Variants in OR2T11 observed in about 807,000 individuals in gnomAD.
OR2T11 encodes the protein olfactory receptor family 2 subfamily T member 11.
Under a neutral mutation model 13.5 loss-of-function variants are expected in OR2T11, and 14 were observed. That is an observed-to-expected ratio of 1.04 (90% CI 0.69 to 1.62). The LOEUF is 1.62. OR2T11 is among the 40% of genes most tolerant of loss of function. The pLI is 0.00. For synonymous variants in OR2T11, 163 were observed against 154.6 expected (o/e 1.05, Z -0.40); for missense variants, 410 against 389.7 (o/e 1.05, Z -0.44).
chr1:248,634,713 CAG>C lies in OR2T11; in HGVS notation c.-145+323_-145+324del, dbSNP rs1660662166. Among the ~76,000 whole-genome samples the C allele has an allele frequency of 3.1e-5, 2 of 64,354 alleles. 1 individual carries two copies. Among genetic ancestry groups the C allele is most frequent in the African/African-American group, 9.7e-5 (2 of 20,524 alleles). 42.2% of individuals were successfully genotyped at this position (64,354 alleles called of 152,430 possible). A position where few individuals can be genotyped will look rare whatever the true frequency, so the allele number is the denominator to read the frequency against. On this transcript the variant is annotated intron_variant, in intron 1 of 1. Coordinates refer to ENST00000641193, the MANE Select transcript of OR2T11 (RefSeq NM_001001964.2). Reference sequence around the variant, plus strand: ...AGTCATTTTGTTTTCACAGAATTGTCAGAATTCTTAGCAGAACTTCACTTCAT... The same window carrying C: ...AGTCATTTTGTTTTCACAGAATTGTCAATTCTTAGCAGAACTTCACTTCAT...
chr1:248,633,863 T>C (rs1045398134), intron 1 of OR2T11, among the ~76,000 whole-genome samples: 1 of 144,236 alleles, frequency 6.9e-6, no homozygotes, highest in African/African-American at 2.7e-5. Context: ...ACCTCCTGTT[T>C]GCTTCAAAGA....
intron 1 of OR2T11, among the ~76,000 whole-genome samples, chr1:248,628,287 AAG>A (rs1341642076): frequency 7.0e-6 from 1 of 143,352 alleles, no homozygotes; most frequent in Non-Finnish European, 1.5e-5. Context: ...AGACAAGAGA[AAG>A]AACCATACAT....
rs1170976684 is a variant in OR2T11, at chr1:248,627,574, A to G, written c.-144-302T>C. Among the ~76,000 whole-genome samples, 3 of 143,492 alleles carry G rather than the reference A, an allele frequency of 2.1e-5. 1 individual carries two copies. Among genetic ancestry groups the G allele is most frequent in the African/African-American group, 8.2e-5 (3 of 36,408 alleles). The allele number at this position is 143,492 out of a possible 152,430, so 94.1% of individuals were successfully genotyped here. ...AAATGGATAAAGGGGAGTGAAGTAA[A>G]TCACTGAAGAAATGAAGGGTTAGGA... On this transcript the variant is annotated intron_variant, in intron 1 of 1. Coordinates refer to ENST00000641193, the MANE Select transcript of OR2T11 (RefSeq NM_001001964.2).
intron 1 of OR2T11, among the ~76,000 whole-genome samples, chr1:248,627,536 T>C (rs1660542660): frequency 7.0e-6 from 1 of 142,958 alleles, no homozygotes; most frequent in African/African-American, 2.8e-5. Context: ...GAAAAAAGGG[T>C]GATTCATTGA....
At chr1:248,631,384 T>C (rs1206305508) in intron 1 of OR2T11, among the ~76,000 whole-genome samples, 1 of 143,284 alleles carries the variant, frequency 7.0e-6, no homozygotes, top group Non-Finnish European at 1.5e-5. Context: ...TCACTAATTA[T>C]CACCATCTCA....
In OR2T11 at chr1:248,623,936, T is replaced by G. The variant is rs1660477986; in HGVS notation, c.*2242A>C. On this transcript the variant is annotated 3_prime_UTR_variant, in exon 2 of 2. Coordinates refer to ENST00000641193, the MANE Select transcript of OR2T11 (RefSeq NM_001001964.2). ...TCTCCAAGATGATTCTCTTCTCCTC[T>G]CAAACTTTTGACGGGACCACCCTGA... 7.1e-6 allele frequency: 1 copy of G among 141,120 alleles called. No individual in the cohort carries two copies. Among genetic ancestry groups the G allele is most frequent in the East Asian group, 2.1e-4 (1 of 4,844 alleles). 8.7% of individuals were successfully genotyped at this position (141,120 alleles called of 1,614,324 possible). A position where few individuals can be genotyped will look rare whatever the true frequency, so the allele number is the denominator to read the frequency against.
rs142343860 is a variant in OR2T11 at position 248,626,718 on chromosome 1, C to T, written c.411G>A (p.Lys137=). 195 of 1,573,484 alleles carry T rather than the reference C, an allele frequency of 1.2e-4. 17 individuals carry two copies. Among genetic ancestry groups the T allele is most frequent in the Non-Finnish European group, 1.4e-4 (159 of 1,157,086 alleles). ...AGGCACCAGCAGCCAGCAAAAGACACTTCTTGCGGTTCATCAGGACTGGGT... is the reference window on the plus strand; with the variant it reads ...AGGCACCAGCAGCCAGCAAAAGACATTTCTTGCGGTTCATCAGGACTGGGT... ...LRYPVLMNRK[K]CLLLAAGAWF... Residue 137 remains lysine, a synonymous_variant, in exon 2 of 2, where the codon AAG becomes AAA. Coordinates refer to ENST00000641193, the MANE Select transcript of OR2T11 (RefSeq NM_001001964.2).
Position 248,623,761 on chromosome 1 carries a change from C to CCTA in OR2T11, c.*2414_*2416dup, listed in dbSNP as rs1294762928. The CCTA allele has an allele frequency of 7.0e-6, 1 of 142,652 alleles. No individual in the cohort carries two copies. Among genetic ancestry groups the CCTA allele is most frequent in the Non-Finnish European group, 1.5e-5 (1 of 66,088 alleles). 8.8% of individuals were successfully genotyped at this position (142,652 alleles called of 1,614,324 possible). On this transcript the variant is annotated 3_prime_UTR_variant, in exon 2 of 2. Transcript: ENST00000641193. Reference sequence around the variant, plus strand: ...ATAATTCTAGTTAACATATTGAGTGCCTACTATTTTCTGGCCACCATCCCG... The same window carrying CCTA: ...ATAATTCTAGTTAACATATTGAGTGCCTACTACTATTTTCTGGCCACCATCCCG...
In OR2T11 at chr1:248,626,108, G is replaced by T; in HGVS notation, c.*70C>A. ...GTAAGTGTAGGTTGATAGCTGAGCA[G>T]ATCATCTCCAGGGAAACAGGGCAAA... On this transcript the variant is annotated 3_prime_UTR_variant, in exon 2 of 2. Coordinates refer to ENST00000641193, the MANE Select transcript of OR2T11 (RefSeq NM_001001964.2). 2 of 849,634 alleles carry T rather than the reference G, an allele frequency of 2.4e-6. No homozygotes were observed. Among genetic ancestry groups the T allele is most frequent in the Non-Finnish European group, 3.8e-6 (2 of 521,964 alleles). 52.6% of individuals were successfully genotyped at this position (849,634 alleles called of 1,614,324 possible).
At chr1:248,628,667 G>C (rs1660556650) in intron 1 of OR2T11, among the ~76,000 whole-genome samples, 1 of 143,230 alleles carries the variant, frequency 7.0e-6, no homozygotes, top group African/African-American at 2.8e-5. Flanking sequence ...AAAGGTACCA[G>C]AATTGTTATG....
At chr1:248,634,330 G>C (rs116329853) in intron 1 of OR2T11, among the ~76,000 whole-genome samples, 6,821 of 25,874 alleles carry the variant, frequency 0.26, 1,423 homozygotes, top group African/African-American at 0.34. Context: ...AACCAGAGTT[G>C]AAGCTACAGG....
At position 248,625,714 on chromosome 1, in the gene OR2T11, TAAA is replaced by T. The variant is rs556964925; in HGVS notation, c.*461_*463del. 1.2e-3 allele frequency: 180 copies of T among 149,018 alleles called. 45 individuals are homozygous for T. The highest frequency in any genetic ancestry group is 4.7e-3 in the African/African-American group (174 of 36,798). The allele number at this position is 149,018 out of a possible 1,614,324, so 9.2% of individuals were successfully genotyped here. The stretch of plus-strand genomic sequence containing the variant: ...TAGTTACTTGGGGTTAATACTAAAA[TAAA>T]AAACACGACTAAAGTGTGTGCTTTT... On this transcript the variant is annotated 3_prime_UTR_variant, in exon 2 of 2. Transcript: ENST00000641193.
chr1:248,630,400 A>G (rs1572103007), intron 1 of OR2T11, among the ~76,000 whole-genome samples: 1 of 117,710 alleles, frequency 8.5e-6, no homozygotes, highest in East Asian at 2.5e-4. Context: ...AAATACTTAT[A>G]GAGTAATTAA....
rs188275935 is a variant in OR2T11 at position 248,625,024 on chromosome 1, G to A, written c.*1154C>T. On this transcript the variant is annotated 3_prime_UTR_variant, in exon 2 of 2. Transcript: ENST00000641193. ...AGTACAGGTATGAGCTACTGCACCC[G>A]GCCTAGCTTAAATACCTAATAGATA... is the stretch of plus-strand genomic sequence containing the variant. The A allele has an allele frequency of 4.2e-5, 6 of 144,260 alleles. 1 individual carries two copies. Among genetic ancestry groups the A allele is most frequent in the Admixed American group, 6.7e-5 (1 of 14,816 alleles). 8.9% of individuals were successfully genotyped at this position (144,260 alleles called of 1,614,324 possible).
chr1:248,627,327 C>T (rs1371512039), intron 1 of OR2T11, 55 bp from the exon 2 acceptor site: 5 of 542,164 alleles, frequency 9.2e-6, no homozygotes. Flanking sequence ...ACCATGGCTG[C>T]ATTTCCCTGT....
chr1:248,630,081 T>A (rs1441478116), intron 1 of OR2T11, among the ~76,000 whole-genome samples: 1 of 125,286 alleles, frequency 8.0e-6, no homozygotes, highest in African/African-American at 3.2e-5. Context: ...TAAATCATTT[T>A]TAAACACATT....
chr1:248,630,186 G>T (rs2103102971), intron 1 of OR2T11, among the ~76,000 whole-genome samples: 1 of 142,480 alleles, frequency 7.0e-6, no homozygotes. Context: ...GTGCTGAAGA[G>T]AAATAATTTT....
rs1558172193 is a variant in OR2T11 at position 248,626,798 on chromosome 1, GGAA to G, written c.328_330del (p.Phe110del). The G allele has an allele frequency of 1.3e-6, 2 of 1,569,810 alleles. No individual in the cohort carries two copies. The highest frequency in any genetic ancestry group is 3.4e-5 in the Admixed American group (2 of 58,278). On this transcript the variant is annotated inframe_deletion, in exon 2 of 2. Transcript: ENST00000641193. ...CAGTCATAGGCCATGAGGCCCAGGA[GGAA>G]GAACTCAGAACCAATCATGGTCAGG...
At chr1:248,630,452 T>A (rs1347779013) in intron 1 of OR2T11, among the ~76,000 whole-genome samples, 2 of 139,588 alleles carry the variant, frequency 1.4e-5, no homozygotes, top group Non-Finnish European at 3.0e-5. Context: ...ACTTGCCACT[T>A]CTTCTGTCTT....
Sources: allele counts gnomAD v4.1 joint callset (sites outside exome capture counted in the v4.1 genomes callset), GRCh38; gene constraint gnomAD v4.1.1; transcripts MANE v1.5; gene names NCBI Gene and HGNC (gene_info 2026-07-23, HGNC 2026-07-21).